The following ATRNL1 variants were observed in gnomAD, a reference collection of about 807,000 sequenced individuals.
ATRNL1 encodes attractin-like protein 1.
In ATRNL1, 95 loss-of-function variants were observed where a neutral mutation model predicts 182.7. The ratio of observed to expected loss-of-function variants is 0.52; its 90% CI spans 0.44 to 0.62. The LOEUF is 0.62. Ranked by LOEUF, ATRNL1 falls within the 20% of genes least tolerant of loss-of-function variation. The probability of loss-of-function intolerance (pLI) is 0.00; values close to 1 mark genes in which losing one functional copy is unlikely to be tolerated. For missense variants in ATRNL1, 1,471 were observed against 1,679.5 expected, an observed-to-expected ratio of 0.88 and a Z score of 2.17; for synonymous variants, 576 against 568.3, an observed-to-expected ratio of 1.01 and a Z score of -0.19.
chr10:115,191,998 C>G (rs1432946527), intron 8 of ATRNL1, among the ~76,000 whole-genome samples: 2 of 152,018 alleles, frequency 1.3e-5, no homozygotes, highest in African/African-American at 4.8e-5. Flanking sequence ...GGTTATTAAT[C>G]CCTTGTCAGA....
chr10:115,765,689 G>A (rs1418067392), intron 27 of ATRNL1, among the ~76,000 whole-genome samples: 1 of 152,074 alleles, frequency 6.6e-6, no homozygotes. Context: ...AGCCTTTGGT[G>A]TTATATGTAA....
chr10:115,612,287 G>A (rs1857204133), intron 26 of ATRNL1, among the ~76,000 whole-genome samples: 1 of 151,592 alleles, frequency 6.6e-6, no homozygotes, highest in Non-Finnish European at 1.5e-5. Flanking sequence ...GAGGAAGTTT[G>A]GCCTTTGTTA....
chr10:115,366,220 T>A (rs1417207392), intron 19 of ATRNL1, among the ~76,000 whole-genome samples: 1 of 152,176 alleles, frequency 6.6e-6, no homozygotes, highest in Non-Finnish European at 1.5e-5. Context: ...GGTGCATATA[T>A]ATTTAGGATA....
intron 26 of ATRNL1, among the ~76,000 whole-genome samples, chr10:115,607,117 T>G (rs1856914606): frequency 6.6e-6 from 1 of 152,022 alleles, no homozygotes; most frequent in Non-Finnish European, 1.5e-5. Flanking sequence ...ATATTTTTCA[T>G]CTTAGCCTGT....
chr10:115,630,845 C>CACACAG (rs1555026114), intron 26 of ATRNL1, among the ~76,000 whole-genome samples: 1,567 of 140,410 alleles, frequency 0.011, 27 homozygotes, highest in African/African-American at 0.041. Flanking sequence ...CACACACACA[C>CACACAG]ACACACACAC....
At chr10:115,186,220 G>A (rs958653197) in intron 8 of ATRNL1, among the ~76,000 whole-genome samples, 1 of 152,124 alleles carries the variant, frequency 6.6e-6, no homozygotes, top group Middle Eastern at 3.4e-3. Flanking sequence ...AAACACTGGC[G>A]AGGATGTGGA....
chr10:115,441,936 C>A (rs782684578), intron 21 of ATRNL1, among the ~76,000 whole-genome samples: 47 of 152,008 alleles, frequency 3.1e-4, no homozygotes, highest in South Asian at 6.2e-4. Flanking sequence ...ACAATATATC[C>A]CAAAGATATA....
intron 26 of ATRNL1, among the ~76,000 whole-genome samples, chr10:115,725,737 T>A: frequency 6.6e-6 from 1 of 152,012 alleles, no homozygotes; most frequent in South Asian, 2.1e-4. Flanking sequence ...GCATTTACTA[T>A]CCTTAGCATT....
At chr10:115,725,949 TTTG>T (rs1947582675) in intron 26 of ATRNL1, among the ~76,000 whole-genome samples, 3 of 152,210 alleles carry the variant, frequency 2.0e-5, no homozygotes, top group African/African-American at 7.2e-5. Flanking sequence ...TTAAAATGAA[TTTG>T]TTACTTCAAA....
At chr10:115,316,402 AG>A (rs201275079) in intron 18 of ATRNL1, among the ~76,000 whole-genome samples, 1,969 of 152,310 alleles carry the variant, frequency 0.013, 38 homozygotes, top group African/African-American at 0.046. Context: ...TATTGCAAGT[AG>A]TTCTATAATA....
chr10:115,730,282 AGAG>A (rs1255586683), intron 27 of ATRNL1, among the ~76,000 whole-genome samples: 1 of 137,068 alleles, frequency 7.3e-6, no homozygotes, highest in Non-Finnish European at 1.6e-5. Flanking sequence ...AAAAAAAAAA[AGAG>A]AGAGAGAGAG....
chr10:115,363,162 C>T (rs1457368622), intron 19 of ATRNL1, among the ~76,000 whole-genome samples: 4 of 148,598 alleles, frequency 2.7e-5, no homozygotes, highest in African/African-American at 9.8e-5. Context: ...TCCTATTTCT[C>T]CACATCCTCT....
chr10:115,526,767 T>G (rs1013533074), intron 25 of ATRNL1, among the ~76,000 whole-genome samples: 4 of 151,872 alleles, frequency 2.6e-5, no homozygotes, highest in Non-Finnish European at 4.4e-5. Flanking sequence ...TGAGGGGAAA[T>G]TGGGAGAAGG....
At chr10:115,667,482 G>A (rs1035537388) in intron 26 of ATRNL1, among the ~76,000 whole-genome samples, 1 of 152,078 alleles carries the variant, frequency 6.6e-6, no homozygotes, top group Non-Finnish European at 1.5e-5. Context: ...CTCAGTTGGA[G>A]TAGCTAGAAC....
intron 19 of ATRNL1, among the ~76,000 whole-genome samples, chr10:115,337,002 C>A (rs1420877333): frequency 6.6e-6 from 1 of 150,674 alleles, no homozygotes. Context: ...TACAGGGGCC[C>A]GCCACCATGC....
chr10:115,334,968 A>T (rs2134075688), intron 19 of ATRNL1, among the ~76,000 whole-genome samples: 1 of 152,242 alleles, frequency 6.6e-6, no homozygotes. Flanking sequence ...AATGGAGATG[A>T]TAATAATTCA....
Position 115,627,045 on chromosome 10 carries a change from A to C in ATRNL1, c.3795+77509A>C, listed in dbSNP as rs1412728400. 2.6e-5 allele frequency among the ~76,000 whole-genome samples: 4 copies of C among 152,310 alleles called. No homozygotes were observed. In the East Asian group the frequency reaches 7.7e-4, roughly 29 times the overall value. On this transcript the variant is annotated intron_variant, in intron 26 of 28. Transcript: ENST00000355044. ...TACAAAATATTTTTTAGTGAGATAA[A>C]ATTTGCAAAACTTGAAAATCAACCA...
intron 15 of ATRNL1, among the ~76,000 whole-genome samples, chr10:115,295,717 T>A (rs1317568195): frequency 1.3e-5 from 2 of 152,086 alleles, no homozygotes; most frequent in African/African-American, 4.8e-5. Flanking sequence ...TTGTCCTGTG[T>A]GGGACTGCCA....
chr10:115,584,360 C>G (rs1291913888), intron 26 of ATRNL1, among the ~76,000 whole-genome samples: 1 of 127,582 alleles, frequency 7.8e-6, no homozygotes, highest in African/African-American at 2.6e-5. Flanking sequence ...TAGAATTCGG[C>G]TGTGAATCCA....
Sources: allele counts gnomAD v4.1 joint callset (sites outside exome capture counted in the v4.1 genomes callset), GRCh38; gene constraint gnomAD v4.1.1; transcripts MANE v1.5; gene names NCBI Gene and HGNC (gene_info 2026-07-23, HGNC 2026-07-21).